PIK3R2: variants seen among roughly 807,000 people sequenced by gnomAD.
PIK3R2 encodes phosphatidylinositol 3-kinase regulatory subunit beta.
PIK3R2 carries 40 observed loss-of-function variants against 78.5 expected under a neutral mutation model. That is an observed-to-expected ratio of 0.51 (90% CI 0.40 to 0.66). The LOEUF (loss-of-function observed/expected upper bound fraction) is 0.66. PIK3R2 is among the 30% of genes least tolerant of loss of function. The probability of loss-of-function intolerance (pLI) is 0.00; values close to 1 mark genes in which losing one functional copy is unlikely to be tolerated. For synonymous variants in PIK3R2, 473 were observed against 457.7 expected, an observed-to-expected ratio of 1.03 and a Z score of -0.43; for missense variants, 880 against 1,026.6, an observed-to-expected ratio of 0.86 and a Z score of 1.95.
At position 18,155,722 on chromosome 19, in the gene PIK3R2, C is replaced by T; in HGVS notation, c.-158C>T. ...GGTCATGGAATAATTTGAAGCGAGG[C>T]ATGAGCGGCCCCTGTGGTCGCCTGT... is the stretch of plus-strand genomic sequence containing the variant. On this transcript the variant is annotated 5_prime_UTR_variant, in exon 2 of 16. Coordinates refer to ENST00000222254, the MANE Select transcript of PIK3R2 (RefSeq NM_005027.4). 1 of 603,978 alleles carries T rather than the reference C, an allele frequency of 1.7e-6. No homozygotes were observed. The highest frequency in any genetic ancestry group is 2.0e-5 in the South Asian group (1 of 49,018). 37.4% of individuals were successfully genotyped at this position (603,978 alleles called of 1,614,324 possible). A position where few individuals can be genotyped will look rare whatever the true frequency, so the allele number is the denominator to read the frequency against.
Position 18,167,054 on chromosome 19 carries a change from T to C in PIK3R2, c.1560-76T>C, listed in dbSNP as rs1001932256. The C allele has an allele frequency of 4.5e-6, 6 of 1,332,740 alleles. No homozygotes were observed. In the African/African-American group the frequency reaches 6.1e-5, roughly 13 times the overall value. 82.6% of individuals were successfully genotyped at this position (1,332,740 alleles called of 1,614,324 possible). On this transcript the variant is annotated intron_variant, in intron 12 of 15. Coordinates refer to ENST00000222254, the MANE Select transcript of PIK3R2 (RefSeq NM_005027.4). The surrounding 1 kb of genome is among the most constrained non-coding windows in gnomAD (Gnocchi z 4.5). ...GGGAGGCTGAGGTAGGAGGGTCACC[T>C]GAGCCCAGGAGTTTGAGGGTGCAGT...
In PIK3R2 at chr19:18,169,069, T is replaced by C; in HGVS notation, c.1980-18T>C. 1 of 1,604,262 alleles carries C rather than the reference T, an allele frequency of 6.2e-7. No individual in the cohort carries two copies. Among genetic ancestry groups the C allele is most frequent in the South Asian group, 1.1e-5 (1 of 90,922 alleles). On this transcript the variant is annotated intron_variant, in intron 15 of 15. Transcript: ENST00000222254. Reference sequence around the variant, plus strand: ...GGGAGGCCAGCCTTCCGACTCCCCCTCTCGTCTGCCCCCACAGAGTGGACG... The same window carrying C: ...GGGAGGCCAGCCTTCCGACTCCCCCCCTCGTCTGCCCCCACAGAGTGGACG...
In PIK3R2 at chr19:18,161,583, C is replaced by T; in HGVS notation, c.815+88C>T. 2.0e-6 allele frequency: 1 copy of T among 493,348 alleles called. No individual in the cohort carries two copies. The allele number at this position is 493,348 out of a possible 1,614,324, so 30.6% of individuals were successfully genotyped here. ...TGGCCAGAGTGAGCGGCGTCTAGAC[C>T]CTAAGAAGGGAGGGGATGGGGTCCA... is the stretch of plus-strand genomic sequence containing the variant. On this transcript the variant is annotated intron_variant, in intron 6 of 15. Transcript: ENST00000222254. The surrounding 1 kb of genome is among the most constrained non-coding windows in gnomAD (Gnocchi z 5.3).
rs1340542644 is a variant in PIK3R2 at position 18,156,255 on chromosome 19, TCTC to T, written c.322+58_322+60del. On this transcript the variant is annotated intron_variant, in intron 2 of 15. Transcript: ENST00000222254. This position sits in a 1 kb window ranked among gnomAD's most constrained non-coding sequence, Gnocchi z 4.2. ...GGGGGTGGTCCCCTCAGACCCTTGG[TCTC>T]CTCTTCTGTCCAGTGAGGCAATGGG... 3.0e-6 allele frequency: 4 copies of T among 1,328,830 alleles called. No individual in the cohort carries two copies. The highest frequency in any genetic ancestry group is 4.0e-6 in the Non-Finnish European group (4 of 999,688). 82.3% of individuals were successfully genotyped at this position (1,328,830 alleles called of 1,614,324 possible).
rs2043630016 is a variant in PIK3R2, at chr19:18,153,166, C to A, written c.-552C>A. The A allele has an allele frequency of 6.5e-6, 1 of 153,048 alleles. No homozygotes were observed. 9.5% of individuals were successfully genotyped at this position (153,048 alleles called of 1,614,324 possible). A position where few individuals can be genotyped will look rare whatever the true frequency, so the allele number is the denominator to read the frequency against. ...GCATTTCCGCCGGGGGCGGGCCAGG[C>A]CGCTCGGAACCGTGGCGGCGGCGGA... On this transcript the variant is annotated 5_prime_UTR_variant, in exon 1 of 16. Coordinates refer to ENST00000222254, the MANE Select transcript of PIK3R2 (RefSeq NM_005027.4).
chr19:18,163,900 G>T (rs2043779608), intron 11 of PIK3R2, among the ~76,000 whole-genome samples: 1 of 152,076 alleles, frequency 6.6e-6, no homozygotes, highest in African/African-American at 2.4e-5. Flanking sequence ...GCCGAGATGG[G>T]TGGATCACCT....
rs2147959675 is a variant in PIK3R2 at position 18,168,742 on chromosome 19, G to C, written c.1825G>C (p.Glu609Gln). 1 of 1,613,604 alleles carries C rather than the reference G, an allele frequency of 6.2e-7. No individual in the cohort carries two copies. The highest frequency in any genetic ancestry group is 8.5e-7 in the Non-Finnish European group (1 of 1,179,870). ...NETEDQYALM[E>Q]DEDDLPHHEE... ...CCACCCCAGCCAGTACGCACTCATG[G>C]AGGACGAGGACGATCTCCCGCACCA... Residue 609 changes from glutamate (E) to glutamine (Q), a missense_variant, in exon 15 of 16, where the codon GAG (glutamate) becomes CAG (glutamine). Around this residue, in one of 3 missense-constraint regions of PIK3R2, gnomAD observed 268 missense variants for 299.1 expected, o/e 0.90. Coordinates refer to ENST00000222254, the MANE Select transcript of PIK3R2 (RefSeq NM_005027.4). The surrounding 1 kb of genome is among the most constrained non-coding windows in gnomAD (Gnocchi z 4.1).
chr19:18,169,823 A>G lies in PIK3R2; in HGVS notation c.*529A>G, dbSNP rs938000339. The G allele has an allele frequency of 4.9e-6, 1 of 206,128 alleles. No individual in the cohort carries two copies. Among genetic ancestry groups the G allele is most frequent in the Non-Finnish European group, 1.0e-5 (1 of 100,484 alleles). 12.8% of individuals were successfully genotyped at this position (206,128 alleles called of 1,614,324 possible). A position where few individuals can be genotyped will look rare whatever the true frequency, so the allele number is the denominator to read the frequency against. ...GGGCGGGACCCGCCCCACAGACTCCAACTTCCCCTCCAAACCCCGAAGTGA... is the reference window on the plus strand; with the variant it reads ...GGGCGGGACCCGCCCCACAGACTCCGACTTCCCCTCCAAACCCCGAAGTGA... On this transcript the variant is annotated 3_prime_UTR_variant, in exon 16 of 16. Coordinates refer to ENST00000222254, the MANE Select transcript of PIK3R2 (RefSeq NM_005027.4).
chr19:18,161,234 G>T lies in PIK3R2; in HGVS notation c.599-45G>T. 1 of 1,511,194 alleles carries T rather than the reference G, an allele frequency of 6.6e-7. No individual in the cohort carries two copies. 93.6% of individuals were successfully genotyped at this position (1,511,194 alleles called of 1,614,324 possible). A position where few individuals can be genotyped will look rare whatever the true frequency, so the allele number is the denominator to read the frequency against. On this transcript the variant is annotated intron_variant, in intron 5 of 15. Coordinates refer to ENST00000222254, the MANE Select transcript of PIK3R2 (RefSeq NM_005027.4). The surrounding 1 kb of genome is among the most constrained non-coding windows in gnomAD (Gnocchi z 5.3). ...GGAAGGAGGGGGCTGTAGCGGGTGG[G>T]AGGGCCCAGGCCTGGCTCACCCTGC...
intron 11 of PIK3R2, among the ~76,000 whole-genome samples, chr19:18,164,596 G>T: frequency 6.6e-6 from 1 of 151,706 alleles, no homozygotes; most frequent in Non-Finnish European, 1.5e-5. Flanking sequence ...TTCCTCAGTC[G>T]TCCCTAGTAC....
rs1016301486 is a variant in PIK3R2, at chr19:18,161,140, C to G, written c.553C>G (p.Leu185Val). ...KSFLLALPAP[L>V]VTPEASAEAR... is the part of the protein sequence containing the mutation. ...CTTCCTGCTGGCACTGCCCGCGCCG[C>G]TCGTGACCCCCGAGGCCTCGGCCGA... The change falls in exon 5 of 16, where the codon CTC becomes GTC. Residue 185 changes from leucine to valine, a missense_variant. By Grantham distance (32) the Leu-to-Val change is conservative (BLOSUM62 1). Coordinates refer to ENST00000222254, the MANE Select transcript of PIK3R2 (RefSeq NM_005027.4). The surrounding 1 kb of genome is among the most constrained non-coding windows in gnomAD (Gnocchi z 5.3). 3 of 1,555,878 alleles carry G rather than the reference C, an allele frequency of 1.9e-6. No individual in the cohort carries two copies. In the Admixed American group the frequency reaches 5.8e-5, roughly 30 times the overall value.
In PIK3R2 at chr19:18,155,803, C is replaced by A; in HGVS notation, c.-77C>A. ...AAGCCAACCCAGCGGACCCTCCCAG[C>A]CCTGCTTCAACCAATGGGGCCAGTG... On this transcript the variant is annotated 5_prime_UTR_variant, in exon 2 of 16. Transcript: ENST00000222254. 7.3e-7 allele frequency: 1 copy of A among 1,369,156 alleles called. No homozygotes were observed. The highest frequency in any genetic ancestry group is 1.5e-5 in the African/African-American group (1 of 67,082). The allele number at this position is 1,369,156 out of a possible 1,614,324, so 84.8% of individuals were successfully genotyped here.
intron 2 of PIK3R2, among the ~76,000 whole-genome samples, chr19:18,159,235 C>T (rs2043714878): frequency 6.8e-6 from 1 of 146,456 alleles, no homozygotes; most frequent in Non-Finnish European, 1.5e-5. Flanking sequence ...AAAGGATCCT[C>T]CTGCCTTGGC....
In PIK3R2 at chr19:18,156,061, A is replaced by T. The variant is rs2147945098; in HGVS notation, c.182A>T (p.Asn61Ile). ...PQSVGWMPGL[N>I]ERTRQRGDFP... ...AGCGTGGGCTGGATGCCCGGCCTCA[A>T]CGAGCGCACACGGCAGCGAGGTGAC... Residue 61 changes from asparagine (N) to isoleucine (I), a missense_variant, in exon 2 of 16, where the codon AAC (asparagine) becomes ATC (isoleucine). By Grantham distance (149) the Asn-to-Ile change is moderately radical. Transcript: ENST00000222254. The surrounding 1 kb of genome is among the most constrained non-coding windows in gnomAD (Gnocchi z 4.2). 2 of 1,562,978 alleles carry T rather than the reference A, an allele frequency of 1.3e-6. No homozygotes were observed. Among genetic ancestry groups the T allele is most frequent in the Non-Finnish European group, 1.7e-6 (2 of 1,154,456 alleles).
At chr19:18,166,355 AAGCC>A (rs1265766725) in intron 12 of PIK3R2, 53 bp downstream of exon 12, 10 of 1,506,788 alleles carry the variant, frequency 6.6e-6, no homozygotes, top group Non-Finnish European at 9.2e-6. Flanking sequence ...GGTGCAGTAC[AAGCC>A]AGGGAGGGAA....
intron 11 of PIK3R2, among the ~76,000 whole-genome samples, chr19:18,164,717 C>T (rs1281531196): frequency 6.8e-6 from 1 of 147,908 alleles, no homozygotes; most frequent in African/African-American, 2.5e-5. Flanking sequence ...CTCACTGCAA[C>T]CTCCGCCTCC....
intron 15 of PIK3R2, 46 bp from the exon 16 acceptor site, chr19:18,169,041 G>T: frequency 1.3e-6 from 2 of 1,583,420 alleles, no homozygotes; most frequent in Non-Finnish European, 8.6e-7. Context: ...GGAAAGCTTG[G>T]CGGGGAGGCC....
In PIK3R2 at chr19:18,169,068, C is replaced by G; in HGVS notation, c.1980-19C>G. On this transcript the variant is annotated intron_variant, in intron 15 of 15. Coordinates refer to ENST00000222254, the MANE Select transcript of PIK3R2 (RefSeq NM_005027.4). ...GGGGAGGCCAGCCTTCCGACTCCCC[C>G]TCTCGTCTGCCCCCACAGAGTGGAC... 3 of 1,604,024 alleles carry G rather than the reference C, an allele frequency of 1.9e-6. No homozygotes were observed. Among genetic ancestry groups the G allele is most frequent in the Non-Finnish European group, 1.7e-6 (2 of 1,175,114 alleles).
chr19:18,163,210 A>G, intron 10 of PIK3R2, 53 bp from the exon 11 acceptor site: 2 of 1,613,934 alleles, frequency 1.2e-6, no homozygotes, highest in Non-Finnish European at 1.7e-6. Context: ...TCAGTTTCCT[A>G]GGTAGACCCG....
Sources: allele counts gnomAD v4.1 joint callset (sites outside exome capture counted in the v4.1 genomes callset), GRCh38; gene constraint gnomAD v4.1.1; regional missense constraint gnomAD v4.1.1; non-coding constraint Gnocchi (gnomAD v3.1); transcripts MANE v1.5; gene names NCBI Gene and HGNC (gene_info 2026-07-23, HGNC 2026-07-21).